SNAP25: variants seen among roughly 807,000 people sequenced by gnomAD.
The protein encoded by SNAP25 is synaptosomal-associated protein 25.
A neutral mutation model predicts 28.7 loss-of-function variants in SNAP25; 3 were observed. That is an observed-to-expected ratio of 0.10 (90% CI 0.05 to 0.27). SNAP25 has a LOEUF of 0.27. SNAP25 is among the 10% of genes least tolerant of loss of function. The pLI is 1.00. For missense variants in SNAP25, 117 were observed against 278.7 expected, an observed-to-expected ratio of 0.42 and a Z score of 4.13; for synonymous variants, 61 against 88.1, an observed-to-expected ratio of 0.69 and a Z score of 1.72.
chr20:10,237,572 T>C (rs1460290648), intron 1 of SNAP25, among the ~76,000 whole-genome samples: 1 of 152,206 alleles, frequency 6.6e-6, no homozygotes, highest in Non-Finnish European at 1.5e-5. Flanking sequence ...CATTGATAGC[T>C]CGGACCTTCA....
intron 1 of SNAP25, among the ~76,000 whole-genome samples, chr20:10,270,430 G>T (rs770743861): frequency 2.6e-5 from 4 of 152,100 alleles, no homozygotes; most frequent in Non-Finnish European, 5.9e-5. Context: ...TGGCCACGAT[G>T]GCTCACGCCT....
chr20:10,290,175 T>C (rs989730431), intron 4 of SNAP25, among the ~76,000 whole-genome samples: 10 of 152,148 alleles, frequency 6.6e-5, no homozygotes, highest in South Asian at 6.2e-4. Context: ...ACAGAAATCA[T>C]TGAAGTGCCA....
intron 1 of SNAP25, among the ~76,000 whole-genome samples, chr20:10,260,688 T>TACACAC (rs36220354): frequency 6.7e-6 from 1 of 148,484 alleles, no homozygotes; most frequent in South Asian, 2.1e-4. Flanking sequence ...TTAGACTCAC[T>TACACAC]ACACACACAC....
In SNAP25 at chr20:10,244,711, T is replaced by C. The variant is rs147727791; in HGVS notation, c.-64+25734T>C. Among the ~76,000 whole-genome samples, 96 of 151,990 alleles carry C rather than the reference T, an allele frequency of 6.3e-4. 1 individual carries two copies. In the South Asian group the frequency reaches 8.7e-3, roughly 14 times the overall value. On this transcript the variant is annotated intron_variant, in intron 1 of 7. Transcript: ENST00000254976. ...AGACATAACATCTGCTAAATCTTTT[T>C]TGTTTCTTTCTTTCTTTCTCTCTTT...
At chr20:10,294,367 C>T (rs362550) in intron 5 of SNAP25, among the ~76,000 whole-genome samples, 16,695 of 152,084 alleles carry the variant, frequency 0.11, 1,155 homozygotes, top group East Asian at 0.18. Flanking sequence ...TTAAAAAATT[C>T]TGCTTTTTAA....
intron 1 of SNAP25, among the ~76,000 whole-genome samples, chr20:10,228,508 G>A (rs1292650226): frequency 6.6e-6 from 1 of 152,172 alleles, no homozygotes; most frequent in Non-Finnish European, 1.5e-5. Flanking sequence ...TGGTGTAAGT[G>A]ACCAGAGAAA....
intron 1 of SNAP25, among the ~76,000 whole-genome samples, chr20:10,265,559 T>TTTTC (rs2063492636): frequency 6.6e-6 from 1 of 152,202 alleles, no homozygotes; most frequent in Admixed American, 6.5e-5. Flanking sequence ...CTTCTCTTCA[T>TTTTC]TTTCTGAATA....
chr20:10,263,043 G>A (rs2063446352), intron 1 of SNAP25, among the ~76,000 whole-genome samples: 1 of 115,960 alleles, frequency 8.6e-6, no homozygotes, highest in South Asian at 2.8e-4. Flanking sequence ...TTTTGAGACG[G>A]AGTCTCGCTC....
chr20:10,284,224 G>A (rs924017328), intron 3 of SNAP25, among the ~76,000 whole-genome samples: 4 of 151,974 alleles, frequency 2.6e-5, no homozygotes, highest in Non-Finnish European at 5.9e-5. Context: ...CTCTTCTGAT[G>A]AACCTGAAAA....
At chr20:10,239,237 T>A (rs1443731829) in intron 1 of SNAP25, among the ~76,000 whole-genome samples, 2 of 152,208 alleles carry the variant, frequency 1.3e-5, no homozygotes, top group Non-Finnish European at 2.9e-5. Flanking sequence ...AACTCCAGGT[T>A]CTTTTGAACC....
chr20:10,278,974 C>G (rs1372890314), intron 3 of SNAP25, among the ~76,000 whole-genome samples: 1 of 151,912 alleles, frequency 6.6e-6, no homozygotes, highest in Non-Finnish European at 1.5e-5. Flanking sequence ...TGTTATCCCC[C>G]AAAATGATAA....
chr20:10,241,143 G>A (rs1034934490), intron 1 of SNAP25, among the ~76,000 whole-genome samples: 5 of 148,148 alleles, frequency 3.4e-5, no homozygotes, highest in Admixed American at 1.3e-4. Flanking sequence ...TTGCGCCGAA[G>A]AGAACTGCAG....
In SNAP25 at chr20:10,218,888, C is replaced by G. The variant is rs939794015; in HGVS notation, c.-153C>G. 6.6e-6 allele frequency: 1 copy of G among 152,312 alleles called. No individual in the cohort carries two copies. Among genetic ancestry groups the G allele is most frequent in the Non-Finnish European group, 1.5e-5 (1 of 68,148 alleles). 9.4% of individuals were successfully genotyped at this position (152,312 alleles called of 1,614,324 possible). On this transcript the variant is annotated 5_prime_UTR_variant, in exon 1 of 8. Transcript: ENST00000254976. The stretch of plus-strand genomic sequence containing the variant: ...AAGACGAAACCTCGGGGAGGTCAGG[C>G]GCTGTCTTTCCTTCCCTCCCTGCTC...
chr20:10,245,670 A>G (rs1289546353), intron 1 of SNAP25, among the ~76,000 whole-genome samples: 1 of 150,574 alleles, frequency 6.6e-6, no homozygotes, highest in East Asian at 1.9e-4. Flanking sequence ...TCTGGGCGAC[A>G]GAAATGCTAT....
chr20:10,271,476 C>G (rs771189530), intron 1 of SNAP25, among the ~76,000 whole-genome samples: 1 of 152,178 alleles, frequency 6.6e-6, no homozygotes, highest in East Asian at 1.9e-4. Flanking sequence ...AAATCACAGA[C>G]GTATCTCCAT....
At chr20:10,255,454 C>T (rs535401428) in intron 1 of SNAP25, among the ~76,000 whole-genome samples, 27 of 152,180 alleles carry the variant, frequency 1.8e-4, no homozygotes, top group Middle Eastern at 3.4e-3. Flanking sequence ...GTAACACCCA[C>T]ACACACACAT....
chr20:10,290,838 T>C (rs2063981874), intron 4 of SNAP25, among the ~76,000 whole-genome samples: 2 of 152,194 alleles, frequency 1.3e-5, no homozygotes, highest in African/African-American at 2.4e-5. Context: ...CCAGAGGCCA[T>C]TAGCAATTAC....
chr20:10,237,468 G>A (rs2062944166), intron 1 of SNAP25, among the ~76,000 whole-genome samples: 1 of 152,162 alleles, frequency 6.6e-6, no homozygotes, highest in Non-Finnish European at 1.5e-5. Flanking sequence ...CGAGTGCCAA[G>A]GGTATATGGT....
At position 10,249,398 on chromosome 20, in the gene SNAP25, G is replaced by GA. The variant is rs1042064502; in HGVS notation, c.-63-26021dup. 9.3e-4 allele frequency among the ~76,000 whole-genome samples: 139 copies of GA among 148,950 alleles called. 1 individual carries two copies. Among genetic ancestry groups the GA allele is most frequent in the South Asian group, 9.0e-3 (42 of 4,684 alleles). On this transcript the variant is annotated intron_variant, in intron 1 of 7. Transcript: ENST00000254976. Reference sequence around the variant, plus strand: ...AATCTCATCAAGTGAAGTATGAACAGAAAAAAAAAATGGCACAAAGATGTT... The same window carrying GA: ...AATCTCATCAAGTGAAGTATGAACAGAAAAAAAAAAATGGCACAAAGATGTT...
Sources: allele counts gnomAD v4.1 joint callset (sites outside exome capture counted in the v4.1 genomes callset), GRCh38; gene constraint gnomAD v4.1.1; transcripts MANE v1.5; gene names NCBI Gene and HGNC (gene_info 2026-07-23, HGNC 2026-07-21).